ACYP2: variants seen among roughly 807,000 people sequenced by gnomAD.
ACYP2 encodes acylphosphatase 2, also known as acylphosphatase-2.
In ACYP2, 12 loss-of-function variants were observed where a neutral mutation model predicts 11.2. The observed-to-expected ratio is 1.08, with a 90% CI of 0.69 to 1.74. The LOEUF (loss-of-function observed/expected upper bound fraction) is 1.74, where lower values mean the gene tolerates loss of function less well. Among genes scored for constraint, ACYP2 ranks in the 40% most tolerant of loss-of-function variants. The pLI is 0.00. For synonymous variants in ACYP2, 43 were observed against 32.2 expected (o/e 1.33, Z -1.13); for missense variants, 134 against 101.9 (o/e 1.31, Z -1.35).
chr2:54,296,243 C>A (rs193130099), intron 6 of ACYP2, among the ~76,000 whole-genome samples: 71 of 152,304 alleles, frequency 4.7e-4, no homozygotes, highest in Admixed American at 4.2e-3. Flanking sequence ...CAGCAGAAAG[C>A]TAAGTGCATT....
chr2:53,985,745 A>G (rs759676660), intron 2 of ACYP2, among the ~76,000 whole-genome samples: 4 of 152,130 alleles, frequency 2.6e-5, no homozygotes, highest in Non-Finnish European at 5.9e-5. Context: ...ATGGGGGAGG[A>G]TCCCTCATGA....
intron 4 of ACYP2, among the ~76,000 whole-genome samples, chr2:54,126,740 G>A (rs1395006670): frequency 6.6e-6 from 1 of 152,112 alleles, no homozygotes; most frequent in Non-Finnish European, 1.5e-5. Context: ...CTGAGGTCAG[G>A]AGTTTGAGAC....
intron 2 of ACYP2, among the ~76,000 whole-genome samples, chr2:54,040,134 G>C (rs1675147166): frequency 6.6e-6 from 1 of 152,118 alleles, no homozygotes; most frequent in South Asian, 2.1e-4. Context: ...AGTGGAAGTG[G>C]TGAGAATTGG....
intron 2 of ACYP2, among the ~76,000 whole-genome samples, chr2:54,021,568 C>G (rs1674009285): frequency 6.6e-6 from 1 of 152,166 alleles, no homozygotes; most frequent in Admixed American, 6.5e-5. Context: ...TTTAAAATAA[C>G]TACACTAATT....
intron 6 of ACYP2, among the ~76,000 whole-genome samples, chr2:54,241,881 C>G (rs1686744399): frequency 6.6e-6 from 1 of 152,102 alleles, no homozygotes; most frequent in Non-Finnish European, 1.5e-5. Flanking sequence ...GGCGTGGTGG[C>G]AGGCACCTAT....
At chr2:54,141,227 T>C (rs1681581666) in intron 6 of ACYP2, among the ~76,000 whole-genome samples, 1 of 152,192 alleles carries the variant, frequency 6.6e-6, no homozygotes, top group Non-Finnish European at 1.5e-5. Flanking sequence ...TTTGCAGGTA[T>C]TTTCCCAAAT....
intron 4 of ACYP2, among the ~76,000 whole-genome samples, chr2:54,092,509 G>A (rs1252916957): frequency 6.6e-6 from 1 of 152,176 alleles, no homozygotes; most frequent in African/African-American, 2.4e-5. Flanking sequence ...TATCAGGGAT[G>A]AGGAATGGAA....
intron 6 of ACYP2, among the ~76,000 whole-genome samples, chr2:54,193,806 T>G (rs1378845915): frequency 6.6e-6 from 1 of 152,212 alleles, no homozygotes; most frequent in African/African-American, 2.4e-5. Flanking sequence ...TACTGTTGTC[T>G]TTATATCTGC....
intron 6 of ACYP2, among the ~76,000 whole-genome samples, chr2:54,273,919 A>C (rs1308679816): frequency 6.6e-6 from 1 of 152,230 alleles, no homozygotes; most frequent in Non-Finnish European, 1.5e-5. Flanking sequence ...AGGAATTTGC[A>C]CCATGAACAA....
At chr2:54,185,895 A>G (rs532253088) in intron 6 of ACYP2, among the ~76,000 whole-genome samples, 5 of 152,190 alleles carry the variant, frequency 3.3e-5, no homozygotes, top group Admixed American at 6.5e-5. Flanking sequence ...AAAACATTAT[A>G]TGCCAAGGAA....
At chr2:54,186,119 CT>C (rs896887440) in intron 6 of ACYP2, among the ~76,000 whole-genome samples, 7 of 151,992 alleles carry the variant, frequency 4.6e-5, no homozygotes, top group African/African-American at 1.4e-4. Flanking sequence ...AAAGAGAGAA[CT>C]TTTTTAAACC....
intron 2 of ACYP2, among the ~76,000 whole-genome samples, chr2:54,048,098 A>AT (rs1166361610): frequency 6.6e-6 from 1 of 152,086 alleles, no homozygotes; most frequent in Non-Finnish European, 1.5e-5. Flanking sequence ...TTTAGAGATG[A>AT]TTTTTCCTAA....
intron 6 of ACYP2, among the ~76,000 whole-genome samples, chr2:54,177,562 G>A (rs921604190): frequency 7.1e-5 from 9 of 126,618 alleles, no homozygotes; most frequent in African/African-American, 4.1e-4. Context: ...GCAGGACCAG[G>A]ACTGATACCT....
chr2:54,290,741 G>A (rs568287227), intron 6 of ACYP2, among the ~76,000 whole-genome samples: 2 of 152,274 alleles, frequency 1.3e-5, no homozygotes, highest in East Asian at 3.9e-4. Context: ...ATCAGGGTGA[G>A]GGTGAAAACG....
At chr2:54,125,115 TA>T (rs542921293) in intron 4 of ACYP2, among the ~76,000 whole-genome samples, 13,919 of 147,586 alleles carry the variant, frequency 0.094, 784 homozygotes, top group Non-Finnish European at 0.13. Context: ...CACATGGATT[TA>T]AAAAAAAAAA....
chr2:54,305,018 A>G lies in ACYP2; in HGVS notation c.*216A>G, dbSNP rs1021940714. ...TATAGTATTCTAAGATTAAAATGTC[A>G]TTACAAAATATTTAGTGTGAACATT... is the stretch of plus-strand genomic sequence containing the variant. On this transcript the variant is annotated 3_prime_UTR_variant, in exon 7 of 7. Coordinates refer to ENST00000607452, the MANE Select transcript of ACYP2 (RefSeq NM_001320586.2). 7 of 341,002 alleles carry G rather than the reference A, an allele frequency of 2.1e-5. No homozygotes were observed. Among genetic ancestry groups the G allele is most frequent in the Non-Finnish European group, 3.2e-5 (6 of 190,092 alleles). The allele number at this position is 341,002 out of a possible 1,614,324, so 21.1% of individuals were successfully genotyped here. A position where few individuals can be genotyped will look rare whatever the true frequency, so the allele number is the denominator to read the frequency against.
chr2:54,066,311 G>T (rs1347437277), intron 4 of ACYP2, among the ~76,000 whole-genome samples: 1 of 152,168 alleles, frequency 6.6e-6, no homozygotes, highest in African/African-American at 2.4e-5. Context: ...GACATGCCTT[G>T]CTTCCCCTTC....
At chr2:54,035,999 T>G (rs2104558461) in intron 2 of ACYP2, among the ~76,000 whole-genome samples, 1 of 152,356 alleles carries the variant, frequency 6.6e-6, no homozygotes, top group Middle Eastern at 3.4e-3. Context: ...GACGATTGAT[T>G]GGCCTAGGTA....
At chr2:53,975,215 C>G (rs1671410804) in intron 2 of ACYP2, 1 of 383,494 alleles carries the variant, frequency 2.6e-6, no homozygotes, top group Non-Finnish European at 4.5e-6. Context: ...CAGAGCGAGA[C>G]TCTGTCTCAA....
Sources: allele counts gnomAD v4.1 joint callset (sites outside exome capture counted in the v4.1 genomes callset), GRCh38; gene constraint gnomAD v4.1.1; transcripts MANE v1.5; gene names NCBI Gene and HGNC (gene_info 2026-07-23, HGNC 2026-07-21).